DIP2C: variants seen among roughly 807,000 people sequenced by gnomAD.
DIP2C encodes the protein DIP2 acetate--CoA ligase C (putative).
DIP2C carries 33 observed loss-of-function variants against 192.4 expected under a neutral mutation model. That is an observed-to-expected ratio of 0.17 (90% CI 0.13 to 0.23). The LOEUF is 0.23. Ranked by LOEUF, DIP2C falls within the 10% of genes least tolerant of loss-of-function variation. DIP2C has a pLI of 1.00. For missense variants in DIP2C, 1,537 were observed against 2,110.1 expected (o/e 0.73, Z 5.32); for synonymous variants, 979 against 864.1 (o/e 1.13, Z -2.33).
chr10:689,196 G>A lies in DIP2C; in HGVS notation c.85+298C>T, dbSNP rs1831449981. 6.6e-6 allele frequency among the ~76,000 whole-genome samples: 1 copy of A among 150,386 alleles called. No individual in the cohort carries two copies. Among genetic ancestry groups the A allele is most frequent in the African/African-American group, 2.4e-5 (1 of 40,872 alleles). On this transcript the variant is annotated intron_variant, in intron 1 of 36. Coordinates refer to ENST00000280886, the MANE Select transcript of DIP2C (RefSeq NM_014974.3). The surrounding 1 kb of genome is among the most constrained non-coding windows in gnomAD (Gnocchi z 6.1). ...CCCACAAACATCCCAGGGCGCGGGG[G>A]ATCGCGGCCCCACAAACACCCCCAG...
chr10:494,282 A>T (rs1049364497), intron 1 of DIP2C, among the ~76,000 whole-genome samples: 30 of 152,240 alleles, frequency 2.0e-4, no homozygotes, highest in African/African-American at 7.0e-4. Context: ...CCTAAACCCC[A>T]GGAGGAGGAC....
intron 1 of DIP2C, among the ~76,000 whole-genome samples, chr10:520,333 C>T (rs1316577360): frequency 6.6e-6 from 1 of 152,216 alleles, no homozygotes; most frequent in Non-Finnish European, 1.5e-5. Context: ...AAATACAGCA[C>T]TTTCCGAAGA....
intron 1 of DIP2C, among the ~76,000 whole-genome samples, chr10:601,939 G>C (rs974377587): frequency 6.6e-6 from 1 of 152,168 alleles, no homozygotes; most frequent in Non-Finnish European, 1.5e-5. Flanking sequence ...ATTGATCAGT[G>C]GGAACCGGCA....
Position 515,824 on chromosome 10 carries a change from TCA to T in DIP2C, c.86-29296_86-29295del, listed in dbSNP as rs1257610240. ...CACGGCAATGGTTATCACCTGATTT[TCA>T]CACAATAGATAAAATTCTATTCTCG... is the stretch of plus-strand genomic sequence containing the variant. On this transcript the variant is annotated intron_variant, in intron 1 of 36. Transcript: ENST00000280886. 5.3e-5 allele frequency among the ~76,000 whole-genome samples: 8 copies of T among 152,296 alleles called. No homozygotes were observed. The East Asian group carries it at 1.5e-3, about 29-fold the overall frequency.
At chr10:645,045 G>A (rs781213202) in intron 1 of DIP2C, among the ~76,000 whole-genome samples, 11 of 152,194 alleles carry the variant, frequency 7.2e-5, no homozygotes, top group Non-Finnish European at 1.6e-4. Context: ...GACCCCTCCG[G>A]ATGAGGTGGG....
At chr10:580,276 G>T (rs570639290) in intron 1 of DIP2C, among the ~76,000 whole-genome samples, 6 of 152,202 alleles carry the variant, frequency 3.9e-5, no homozygotes, top group Admixed American at 1.3e-4. Flanking sequence ...AGTACATAGT[G>T]TATGTACATA....
intron 1 of DIP2C, among the ~76,000 whole-genome samples, chr10:605,827 G>C (rs1434284460): frequency 6.6e-6 from 1 of 152,236 alleles, no homozygotes; most frequent in East Asian, 1.9e-4. Context: ...CAAGAAAGGA[G>C]GAAGCGTCCT....
chr10:365,612 T>C (rs1332226426), intron 19 of DIP2C, among the ~76,000 whole-genome samples: 1 of 152,238 alleles, frequency 6.6e-6, no homozygotes, highest in Admixed American at 6.5e-5. Flanking sequence ...ATAACTTAAA[T>C]GTTGTGCTAC....
intron 32 of DIP2C, among the ~76,000 whole-genome samples, chr10:298,528 G>A (rs1438941315): frequency 6.6e-6 from 1 of 152,200 alleles, no homozygotes; most frequent in Non-Finnish European, 1.5e-5. Context: ...CTCTCTTCTT[G>A]GCTTTTGAGA....
At chr10:449,917 C>CAAAAAAAAA (rs1287942290) in intron 3 of DIP2C, among the ~76,000 whole-genome samples, 19 of 22,562 alleles carry the variant, frequency 8.4e-4, no homozygotes, top group African/African-American at 1.7e-3. Flanking sequence ...CAGTCAACAA[C>CAAAAAAAAA]AACAAAAAAA....
intron 1 of DIP2C, among the ~76,000 whole-genome samples, chr10:523,789 G>A (rs1185809325): frequency 6.6e-6 from 1 of 152,230 alleles, no homozygotes; most frequent in East Asian, 1.9e-4. Context: ...CTGACGCAAA[G>A]GACCCTGGAG....
rs752062597 is a variant in DIP2C at position 349,418 on chromosome 10, G to A, written c.3022C>T (p.His1008Tyr). Residue 1008 changes from histidine to tyrosine, a missense_variant, in exon 25 of 37, where the codon CAC becomes TAC. His to Tyr is a moderately conservative substitution (Grantham distance 83). This residue lies in a region of DIP2C where 677 missense variants were observed against 989.9 expected (regional missense o/e 0.68). Coordinates refer to ENST00000280886, the MANE Select transcript of DIP2C (RefSeq NM_014974.3). ...IANSLTCVQL[H>Y]KRAEKIAVML... Reference sequence around the variant, plus strand: ...ACGGCGATCTTCTCAGCTCTCTTGTGCAGCTGCACGCAGGTCAGCGAGTTC... The same window carrying A: ...ACGGCGATCTTCTCAGCTCTCTTGTACAGCTGCACGCAGGTCAGCGAGTTC... 2 of 1,610,034 alleles carry A rather than the reference G, an allele frequency of 1.2e-6. No homozygotes were observed. The highest frequency in any genetic ancestry group is 1.7e-6 in the Non-Finnish European group (2 of 1,179,190).
chr10:599,251 CAG>C (rs942743202), intron 1 of DIP2C, among the ~76,000 whole-genome samples: 1 of 152,208 alleles, frequency 6.6e-6, no homozygotes, highest in Non-Finnish European at 1.5e-5. Flanking sequence ...CCACCACACA[CAG>C]AAAGTGGGCT....
chr10:395,409 G>A (rs1308574790), intron 10 of DIP2C, among the ~76,000 whole-genome samples: 3 of 152,098 alleles, frequency 2.0e-5, no homozygotes, highest in Admixed American at 6.5e-5. Context: ...CCCCATAAAT[G>A]TATATAATTA....
intron 29 of DIP2C, chr10:340,928 G>C (rs1320902414): frequency 1.1e-5 from 6 of 539,460 alleles, no homozygotes; most frequent in Admixed American, 4.5e-5. Context: ...CTGGAGCCTG[G>C]GAGTCTTCTG....
intron 32 of DIP2C, among the ~76,000 whole-genome samples, chr10:292,662 A>G (rs565890512): frequency 6.6e-6 from 1 of 152,346 alleles, no homozygotes; most frequent in South Asian, 2.1e-4. Context: ...TGAGGTCTTC[A>G]TTCTTCATTC....
rs1443997332 is a variant in DIP2C, at chr10:277,030, T to G, written c.*295A>C. ...CCACATTTACGAAGAAAGCACTTAT[T>G]ATCCAATAATTAAAAAAGAAAGAAA... On this transcript the variant is annotated 3_prime_UTR_variant, in exon 37 of 37. Coordinates refer to ENST00000280886, the MANE Select transcript of DIP2C (RefSeq NM_014974.3). 9.3e-6 allele frequency: 3 copies of G among 321,154 alleles called. No homozygotes were observed. The highest frequency in any genetic ancestry group is 2.2e-5 in the African/African-American group (1 of 46,332). 19.9% of individuals were successfully genotyped at this position (321,154 alleles called of 1,614,324 possible). A position where few individuals can be genotyped will look rare whatever the true frequency, so the allele number is the denominator to read the frequency against.
At chr10:429,080 G>T (rs1205843780) in intron 4 of DIP2C, among the ~76,000 whole-genome samples, 1 of 151,974 alleles carries the variant, frequency 6.6e-6, no homozygotes, top group Non-Finnish European at 1.5e-5. Flanking sequence ...TCACATCAGG[G>T]TTCATTCTTG....
intron 1 of DIP2C, among the ~76,000 whole-genome samples, chr10:643,234 GC>G (rs1190404415): frequency 7.1e-6 from 1 of 140,532 alleles, no homozygotes; most frequent in Non-Finnish European, 1.5e-5. Context: ...AAAAAAACAG[GC>G]CGGGCACGGT....
Sources: gnomAD v4.1 joint callset for allele counts (sites outside exome capture counted in the v4.1 genomes callset) on GRCh38, gnomAD v4.1.1 for gene constraint, gnomAD v4.1.1 regional missense constraint, Gnocchi (gnomAD v3.1) non-coding constraint, MANE v1.5 for transcripts, NCBI Gene and HGNC (gene_info 2026-07-23, HGNC 2026-07-21) for gene names.